The following YBEY variants were observed in gnomAD, a reference collection of about 807,000 sequenced individuals.
YBEY encodes endoribonuclease YbeY.
YBEY carries 15 observed loss-of-function variants against 13.5 expected under a neutral mutation model. The ratio of observed to expected loss-of-function variants is 1.11; its 90% CI spans 0.75 to 1.72. The LOEUF is 1.72. Ranked by LOEUF, YBEY falls within the 40% of genes most tolerant of loss-of-function variation. The pLI, the probability that YBEY is intolerant of heterozygous loss-of-function variation, is 0.00. For synonymous variants in YBEY, 101 were observed against 83.1 expected (o/e 1.21, Z -1.17); for missense variants, 244 against 208.4 (o/e 1.17, Z -1.05).
At chr21:46,291,205 A>G (rs961356357) in intron 2 of YBEY, 129 bp from the exon 3 acceptor site, 1 of 1,117,416 alleles carries the variant, frequency 8.9e-7, no homozygotes, top group Non-Finnish European at 1.1e-6. Context: ...CTCAAAAAAA[A>G]AAAAAAAAAA....
the YBEY span, chr21:46,313,079 C>T: frequency 1.0e-6 from 1 of 985,224 alleles, no homozygotes; most frequent in Non-Finnish European, 1.2e-6. Context: ...AGTTGGCAAA[C>T]TTTTGCCAAG....
intron 3 of YBEY, among the ~76,000 whole-genome samples, chr21:46,295,694 C>T (rs1175898988): frequency 3.4e-5 from 5 of 147,214 alleles, no homozygotes; most frequent in African/African-American, 1.0e-4. Flanking sequence ...CCAGAGTGTT[C>T]AGTAAAATCA....
chr21:46,291,546 T>G (rs576724657), intron 3 of YBEY, 84 bp downstream of exon 3: 7 of 1,574,640 alleles, frequency 4.4e-6, no homozygotes, highest in Non-Finnish European at 6.0e-6. Context: ...CCTGCATCCA[T>G]GTGTGTCCGT....
At chr21:46,312,285 C>G in the YBEY span, among the ~76,000 whole-genome samples, 2 of 152,258 alleles carry the variant, frequency 1.3e-5, no homozygotes, top group East Asian at 3.9e-4. Context: ...TCCACCAATT[C>G]TGCTTTAATA....
chr21:46,309,457 G>A, the YBEY span, among the ~76,000 whole-genome samples: 8 of 143,668 alleles, frequency 5.6e-5, no homozygotes, highest in African/African-American at 2.1e-4. Flanking sequence ...GCAAGACTCC[G>A]TCTCAAAAAA....
the YBEY span, among the ~76,000 whole-genome samples, chr21:46,302,929 C>T: frequency 7.1e-6 from 1 of 141,478 alleles, no homozygotes; most frequent in African/African-American, 2.6e-5. Flanking sequence ...GCACACGGTG[C>T]GGGTCCCCGG....
chr21:46,293,267 CGTGCCCGGG>C (rs2081813609), intron 3 of YBEY, among the ~76,000 whole-genome samples: 1 of 78,274 alleles, frequency 1.3e-5, no homozygotes, highest in African/African-American at 4.2e-5. Context: ...TAGCCTGACC[CGTGCCCGGG>C]ACTCAGTGGG....
At chr21:46,303,730 TATATATATA>T in the YBEY span, among the ~76,000 whole-genome samples, 5 of 28,732 alleles carry the variant, frequency 1.7e-4, no homozygotes, top group Non-Finnish European at 2.6e-4. Context: ...TATATATATA[TATATATATA>T]TATATATTTT....
Position 46,287,131 on chromosome 21 carries a change from A to AAAAAC in YBEY, c.210+12_210+13insCAAAA, listed in dbSNP as rs746690674. On this transcript the variant is annotated intron_variant, in intron 2 of 4. Transcript: ENST00000397701. ...TCTTTTCCATTTCATGAGGTAAAAA[A>AAAAAC]AAAATGTTCCTCTTCTTGTCTAGCC... 29 of 1,591,192 alleles carry AAAAAC rather than the reference A, an allele frequency of 1.8e-5. No individual in the cohort carries two copies. In the South Asian group the frequency reaches 3.2e-4, roughly 18 times the overall value.
intron 2 of YBEY, among the ~76,000 whole-genome samples, chr21:46,289,441 GTTTTGT>G (rs1555918281): frequency 7.3e-6 from 1 of 136,520 alleles, no homozygotes; most frequent in Non-Finnish European, 1.6e-5. Context: ...GAAGGCAAGG[GTTTTGT>G]TTTTTTTTTT....
At chr21:46,302,949 T>C in the YBEY span, among the ~76,000 whole-genome samples, 1 of 147,336 alleles carries the variant, frequency 6.8e-6, no homozygotes, top group Admixed American at 6.7e-5. Context: ...GGGCGCGCCC[T>C]GAGCCCGTCT....
At chr21:46,287,176 T>C in intron 2 of YBEY, 53 bp downstream of exon 2, 2 of 1,504,088 alleles carry the variant, frequency 1.3e-6, no homozygotes, top group Admixed American at 4.5e-5. Flanking sequence ...AGAGTAAATT[T>C]CCTGTCGTTT....
intron 4 of YBEY, among the ~76,000 whole-genome samples, chr21:46,296,760 C>T (rs1390399576): frequency 1.3e-5 from 2 of 151,384 alleles, no homozygotes; most frequent in African/African-American, 4.9e-5. Flanking sequence ...TTTGGGAGGC[C>T]GAGGCAGGCG....
At chr21:46,308,228 C>T in the YBEY span, among the ~76,000 whole-genome samples, 18 of 152,146 alleles carry the variant, frequency 1.2e-4, no homozygotes, top group East Asian at 1.9e-4. Flanking sequence ...TTTGGGAGGC[C>T]GAAGGGGGCA....
At chr21:46,295,074 G>A (rs1032810252) in intron 3 of YBEY, among the ~76,000 whole-genome samples, 1 of 152,160 alleles carries the variant, frequency 6.6e-6, no homozygotes, top group South Asian at 2.1e-4. Context: ...TGGGATCTCT[G>A]TGGCCAGCAA....
At chr21:46,295,800 G>A (rs1190965397) in intron 3 of YBEY, among the ~76,000 whole-genome samples, 1 of 152,004 alleles carries the variant, frequency 6.6e-6, no homozygotes, top group Non-Finnish European at 1.5e-5. Flanking sequence ...GCCACCCCTG[G>A]CCGGTGCCCC....
chr21:46,302,553 G>A, downstream of YBEY: 1 of 1,609,606 alleles, frequency 6.2e-7, no homozygotes. Flanking sequence ...TGTGCGTTCT[G>A]CAGCAGCAGC....
At chr21:46,309,819 A>G in the YBEY span, among the ~76,000 whole-genome samples, 1 of 151,688 alleles carries the variant, frequency 6.6e-6, no homozygotes, top group South Asian at 2.1e-4. Flanking sequence ...AGATGGTGAA[A>G]CCCCGTCTCT....
At chr21:46,291,815 G>A in intron 3 of YBEY, 1 of 1,075,890 alleles carries the variant, frequency 9.3e-7, no homozygotes, top group Non-Finnish European at 1.1e-6. Flanking sequence ...CCACCTTCCA[G>A]ATCTGTTTCT....
Sources: gnomAD v4.1 joint callset for allele counts (sites outside exome capture counted in the v4.1 genomes callset) on GRCh38, gnomAD v4.1.1 for gene constraint, MANE v1.5 for transcripts, NCBI Gene and HGNC (gene_info 2026-07-23, HGNC 2026-07-21) for gene names.